RBFOX1: variants seen among roughly 807,000 people sequenced by gnomAD.
The protein encoded by RBFOX1 is RNA binding protein fox-1 homolog 1.
In RBFOX1, 8 loss-of-function variants were observed where a neutral mutation model predicts 57.7. The observed-to-expected ratio is 0.14, with a 90% CI of 0.08 to 0.25. The LOEUF is 0.25. RBFOX1 is among the 10% of genes least tolerant of loss of function. The probability of loss-of-function intolerance (pLI) is 1.00; values close to 1 mark genes in which losing one functional copy is unlikely to be tolerated. For missense variants in RBFOX1, 611 were observed against 548.5 expected (o/e 1.11, Z -1.14); for synonymous variants, 326 against 222.4 (o/e 1.47, Z -4.15).
chr16:7,271,625 G>A (rs376326503), intron 4 of RBFOX1, among the ~76,000 whole-genome samples: 11 of 152,082 alleles, frequency 7.2e-5, no homozygotes, highest in South Asian at 2.1e-4. Context: ...TAGAAGATAC[G>A]TGACTACTAA....
intron 2 of RBFOX1, among the ~76,000 whole-genome samples, chr16:6,366,085 A>ATGTGTGTGTGTG (rs71145219): frequency 4.8e-5 from 7 of 144,422 alleles, no homozygotes; most frequent in South Asian, 2.3e-4. Flanking sequence ...TGGCCATTCT[A>ATGTGTGTGTGTG]TGTGTGTGTG....
chr16:6,102,588 T>G (rs2096326722), intron 1 of RBFOX1, among the ~76,000 whole-genome samples: 1 of 152,024 alleles, frequency 6.6e-6, no homozygotes, highest in Admixed American at 6.5e-5. Flanking sequence ...TTCCAGCAGC[T>G]CACGCCACGT....
At chr16:5,375,757 C>T (rs569289680) in intron 1 of RBFOX1, among the ~76,000 whole-genome samples, 1 of 152,192 alleles carries the variant, frequency 6.6e-6, no homozygotes, top group East Asian at 1.9e-4. Context: ...ATTTGGCCTG[C>T]CAGCTGCAGT....
At chr16:6,977,389 C>T (rs777327691) in intron 3 of RBFOX1, among the ~76,000 whole-genome samples, 2 of 151,978 alleles carry the variant, frequency 1.3e-5, no homozygotes. Context: ...TATCTGGACA[C>T]TCGCAAGTCT....
intron 3 of RBFOX1, among the ~76,000 whole-genome samples, chr16:6,837,749 A>G (rs1330091229): frequency 6.6e-6 from 1 of 152,246 alleles, no homozygotes; most frequent in African/African-American, 2.4e-5. Context: ...TTAAATGTCC[A>G]TGAATACTTA....
chr16:6,762,751 C>A (rs1034940212), intron 3 of RBFOX1, among the ~76,000 whole-genome samples: 8 of 151,544 alleles, frequency 5.3e-5, no homozygotes, highest in African/African-American at 1.7e-4. Flanking sequence ...AGGTAAAGAG[C>A]CTTACCCCAA....
chr16:7,545,123 AG>A (rs1308494188), intron 5 of RBFOX1, among the ~76,000 whole-genome samples: 1 of 152,162 alleles, frequency 6.6e-6, no homozygotes, highest in Admixed American at 6.5e-5. Context: ...TTTTTTTCCT[AG>A]GGTCCCTCTG....
At chr16:5,795,047 G>C (rs2054830256) in intron 3 of RBFOX1, among the ~76,000 whole-genome samples, 1 of 152,124 alleles carries the variant, frequency 6.6e-6, no homozygotes, top group African/African-American at 2.4e-5. Context: ...GTATGACTTT[G>C]GCCAAGCTGC....
At chr16:6,775,361 A>G (rs1249313784) in intron 3 of RBFOX1, among the ~76,000 whole-genome samples, 1 of 151,214 alleles carries the variant, frequency 6.6e-6, no homozygotes, top group East Asian at 1.9e-4. Flanking sequence ...AAGTAGACAA[A>G]AAGCCTACAA....
intron 11 of RBFOX1, among the ~76,000 whole-genome samples, chr16:7,648,317 T>A (rs949967346): frequency 6.6e-6 from 1 of 152,128 alleles, no homozygotes. Context: ...CTACCTCTCC[T>A]GGGTTCAAGC....
intron 1 of RBFOX1, among the ~76,000 whole-genome samples, chr16:6,118,600 T>C (rs1216670070): frequency 1.3e-5 from 2 of 151,820 alleles, no homozygotes; most frequent in African/African-American, 4.8e-5. Flanking sequence ...TCCCTCTCTT[T>C]CTCTGTCTCT....
At chr16:6,836,471 G>A (rs9929659) in intron 3 of RBFOX1, among the ~76,000 whole-genome samples, 1,553 of 152,288 alleles carry the variant, frequency 0.01, 27 homozygotes, top group African/African-American at 0.035. Context: ...CTGTGCAGAG[G>A]TATCTTGCTT....
intron 2 of RBFOX1, among the ~76,000 whole-genome samples, chr16:6,636,828 T>A (rs1332043999): frequency 8.7e-5 from 9 of 103,872 alleles, no homozygotes; most frequent in African/African-American, 2.6e-4. Flanking sequence ...ATAATATATG[T>A]TATATATAAT....
At chr16:5,635,233 A>G (rs1825981324) in intron 3 of RBFOX1, among the ~76,000 whole-genome samples, 1 of 152,238 alleles carries the variant, frequency 6.6e-6, no homozygotes, top group Non-Finnish European at 1.5e-5. Flanking sequence ...AAAAGTCTCA[A>G]GCTACTTCAT....
At chr16:7,594,693 A>C (rs73488667) in intron 7 of RBFOX1, among the ~76,000 whole-genome samples, 4 of 152,242 alleles carry the variant, frequency 2.6e-5, no homozygotes, top group Non-Finnish European at 2.9e-5. Context: ...ATTACATTCT[A>C]TTAACAAAGT....
chr16:6,949,972 A>G (rs2080365398), intron 3 of RBFOX1, among the ~76,000 whole-genome samples: 2 of 149,498 alleles, frequency 1.3e-5, no homozygotes, highest in African/African-American at 2.5e-5. Context: ...TTTGGTACAG[A>G]GTCTTGCTCT....
intron 3 of RBFOX1, among the ~76,000 whole-genome samples, chr16:6,924,346 C>T (rs2075122248): frequency 6.6e-6 from 1 of 151,826 alleles, no homozygotes; most frequent in Non-Finnish European, 1.5e-5. Context: ...GCATGTTGGG[C>T]AGGGAAGAGG....
Position 6,795,506 on chromosome 16 carries a change from G to T in RBFOX1, c.-16+140856G>T, listed in dbSNP as rs141817274. ...TTGTTGGCTGCGCACGTTGGCTCAC[G>T]TCTGTAATCCCAGCACTTTGGGAGG... On this transcript the variant is annotated intron_variant, in intron 3 of 15. Transcript: ENST00000550418. Among the ~76,000 whole-genome samples the T allele has an allele frequency of 1.0e-2, 1,517 of 152,112 alleles. 21 individuals are homozygous for T. The highest frequency in any genetic ancestry group is 0.035 in the African/African-American group (1,431 of 41,466).
At chr16:6,000,145 A>C (rs991491902) in intron 4 of RBFOX1, among the ~76,000 whole-genome samples, 3 of 152,082 alleles carry the variant, frequency 2.0e-5, no homozygotes, top group Non-Finnish European at 4.4e-5. Context: ...ACTCAGTGAG[A>C]GAATTAACTC....
Sources: allele counts gnomAD v4.1 joint callset (sites outside exome capture counted in the v4.1 genomes callset), GRCh38; gene constraint gnomAD v4.1.1; transcripts MANE v1.5; gene names NCBI Gene and HGNC (gene_info 2026-07-23, HGNC 2026-07-21).